The following TPM2 variants were observed in gnomAD, a reference collection of about 807,000 sequenced individuals.
TPM2 encodes tropomyosin beta chain.
In TPM2, 26 loss-of-function variants were observed where a neutral mutation model predicts 41.0. The ratio of observed to expected loss-of-function variants is 0.63; its 90% CI spans 0.46 to 0.88. The LOEUF is 0.88. Ranked by LOEUF, TPM2 falls within the 40% of genes least tolerant of loss-of-function variation. The probability of loss-of-function intolerance (pLI) is 0.00; values close to 1 mark genes in which losing one functional copy is unlikely to be tolerated. For missense variants in TPM2, 187 were observed against 355.2 expected (o/e 0.53, Z 3.81); for synonymous variants, 143 against 139.3 (o/e 1.03, Z -0.19).
downstream of TPM2, chr9:35,682,804 T>G: frequency 1.9e-5 from 26 of 1,356,526 alleles, no homozygotes; most frequent in East Asian, 4.4e-5. Context: ...GCGTGGGCCA[T>G]GGTGTTTTGT....
In TPM2 at chr9:35,684,761, A is replaced by G. The variant is rs1205563530; in HGVS notation, c.610T>C (p.Leu204=). Residue 204 remains leucine (L), a synonymous_variant, in exon 6 of 9, where the codon TTG becomes CTG. Transcript: ENST00000645482. The part of the protein sequence containing the change: ...EEELKIVTNN[L]KSLEAQADKY... ...TCCGCCTGGGCCTCCAGGGATTTCA[A>G]GTTGTTGGTAACAATTTTCAGCTCC... 1.2e-6 allele frequency: 2 copies of G among 1,613,718 alleles called. No individual in the cohort carries two copies. Among genetic ancestry groups the G allele is most frequent in the South Asian group, 2.2e-5 (2 of 91,054 alleles).
At position 35,684,289 on chromosome 9, in the gene TPM2, C is replaced by T. The variant is rs751675623; in HGVS notation, c.729G>A (p.Glu243=). Residue 243 remains glutamate, a synonymous_variant, in exon 8 of 9, where the codon GAG becomes GAA. Coordinates refer to ENST00000645482, the MANE Select transcript of TPM2 (RefSeq NM_003289.4). ...TTTTCTCCAACTTTGCCACAGACCT[C>T]TCGGCAAACTCTGCTCGGGTCTCAG... is the stretch of plus-strand genomic sequence containing the variant. The part of the protein sequence containing the change: ...KEAETRAEFA[E]RSVAKLEKTI... 8 of 1,614,200 alleles carry T rather than the reference C, an allele frequency of 5.0e-6. No homozygotes were observed. The Admixed American group carries it at 5.0e-5, about 10-fold the overall frequency.
Position 35,684,819 on chromosome 9 carries a change from G to T in TPM2, c.564-12C>A. ...GGTCCCCACATTTACTGCAGGGGGT[G>T]TGTGGCGGGGGGGGCAGGGTGTGAG... is the stretch of plus-strand genomic sequence containing the variant. On this transcript the variant is annotated splice_polypyrimidine_tract_variant and intron_variant, in intron 5 of 8. Transcript: ENST00000645482. The T allele has an allele frequency of 6.4e-7, 1 of 1,554,548 alleles. No individual in the cohort carries two copies. Among genetic ancestry groups the T allele is most frequent in the Non-Finnish European group, 8.7e-7 (1 of 1,154,368 alleles).
chr9:35,686,838 CAGT>C (rs1196783936), intron 2 of TPM2, among the ~76,000 whole-genome samples: 1 of 151,988 alleles, frequency 6.6e-6, no homozygotes, highest in Non-Finnish European at 1.5e-5. Context: ...CCTGGGCTTG[CAGT>C]AGGAGGCAAA....
rs376185786 is a variant in TPM2, at chr9:35,685,183, C to A, written c.563+86G>T. On this transcript the variant is annotated intron_variant, in intron 5 of 8. Coordinates refer to ENST00000645482, the MANE Select transcript of TPM2 (RefSeq NM_003289.4). This position sits in a 1 kb window ranked among gnomAD's most constrained non-coding sequence, Gnocchi z 5.0. Reference sequence around the variant, plus strand: ...GGTCAGAGAACAGGGCCTGTCCCTACAGCCCCAAGCCTAGGATGCTACCTT... The same window carrying A: ...GGTCAGAGAACAGGGCCTGTCCCTAAAGCCCCAAGCCTAGGATGCTACCTT... The A allele has an allele frequency of 1.2e-6, 2 of 1,614,050 alleles. No homozygotes were observed. Among genetic ancestry groups the A allele is most frequent in the Non-Finnish European group, 1.7e-6 (2 of 1,180,030 alleles).
At chr9:35,682,667 C>G (rs1330694965), downstream of TPM2, 1 of 1,311,052 alleles carries the variant, frequency 7.6e-7, no homozygotes, top group South Asian at 1.2e-5. Context: ...CCTGGAACCC[C>G]AGCTAAGTGC....
intron 1 of TPM2, 47 bp downstream of exon 1, chr9:35,689,657 T>C: frequency 6.2e-7 from 1 of 1,606,980 alleles, no homozygotes; most frequent in African/African-American, 1.3e-5. Context: ...CGGCCCACCC[T>C]TGCCCTAGGC....
chr9:35,683,036 G>A lies in TPM2; in HGVS notation c.*123C>T. 1 of 1,549,778 alleles carries A rather than the reference G, an allele frequency of 6.5e-7. No individual in the cohort carries two copies. The highest frequency in any genetic ancestry group is 8.7e-7 in the Non-Finnish European group (1 of 1,146,404). On this transcript the variant is annotated 3_prime_UTR_variant, in exon 9 of 9. Coordinates refer to ENST00000645482, the MANE Select transcript of TPM2 (RefSeq NM_003289.4). ...TGGGCATGATGGGGGCTCTCCCTAG[G>A]CTGCTCCCAGCCTGGCTGTGCAATG...
chr9:35,682,003 G>A, downstream of TPM2: 1 of 1,469,478 alleles, frequency 6.8e-7, no homozygotes, highest in Non-Finnish European at 9.5e-7. Flanking sequence ...AAGGATTAAA[G>A]GGCCTTGAGA....
chr9:35,689,899 G>C lies in TPM2; in HGVS notation c.-82C>G, dbSNP rs1481177116. The C allele has an allele frequency of 6.2e-7, 1 of 1,606,652 alleles. No homozygotes were observed. The highest frequency in any genetic ancestry group is 1.3e-5 in the African/African-American group (1 of 74,924). On this transcript the variant is annotated 5_prime_UTR_variant, in exon 1 of 9. Transcript: ENST00000645482. ...GGGTGAGCGGACTGGGTGCACCGGT[G>C]GCAGGCGAGGAGGACGGAGCGGGAC... is the stretch of plus-strand genomic sequence containing the variant.
intron 7 of TPM2, 54 bp downstream of exon 7, chr9:35,684,434 G>A (rs1824753756): frequency 6.2e-7 from 1 of 1,613,066 alleles, no homozygotes; most frequent in Non-Finnish European, 8.5e-7. Flanking sequence ...GGCCGTCTCT[G>A]GCAAGGATTA....
intron 2 of TPM2, among the ~76,000 whole-genome samples, chr9:35,688,272 G>A (rs956349799): frequency 2.0e-5 from 3 of 152,142 alleles, no homozygotes; most frequent in Non-Finnish European, 4.4e-5. Context: ...ATGAGCAGTC[G>A]ACACAAACAG....
chr9:35,683,785 C>CA (rs1271802068), intron 8 of TPM2, among the ~76,000 whole-genome samples: 3 of 152,218 alleles, frequency 2.0e-5, no homozygotes, highest in Non-Finnish European at 2.9e-5. Flanking sequence ...TTAGTGCTGT[C>CA]ATGCAGACCT....
At chr9:35,689,949 C>T, upstream of TPM2, 1 of 1,573,100 alleles carries the variant, frequency 6.4e-7, no homozygotes, top group Non-Finnish European at 8.6e-7. Context: ...CACGCGGGCG[C>T]CTAAAAGGCG....
Position 35,689,885 on chromosome 9 carries a change from C to G in TPM2, c.-68G>C. 1 of 1,609,362 alleles carries G rather than the reference C, an allele frequency of 6.2e-7. No homozygotes were observed. Reference sequence around the variant, plus strand: ...GGACGGACTGGGCTGGGTGAGCGGACTGGGTGCACCGGTGGCAGGCGAGGA... The same window carrying G: ...GGACGGACTGGGCTGGGTGAGCGGAGTGGGTGCACCGGTGGCAGGCGAGGA... On this transcript the variant is annotated 5_prime_UTR_variant, in exon 1 of 9. Transcript: ENST00000645482.
chr9:35,687,559 G>C (rs3793537), intron 2 of TPM2, among the ~76,000 whole-genome samples: 32,228 of 151,902 alleles, frequency 0.21, 4,211 homozygotes, highest in East Asian at 0.32. Flanking sequence ...CATATATAGA[G>C]AGTAGATGGT....
chr9:35,690,041 C>T (rs1355830154), upstream of TPM2: 2 of 1,359,442 alleles, frequency 1.5e-6, no homozygotes, highest in Non-Finnish European at 1.9e-6. Flanking sequence ...ACGGCCCGGC[C>T]GGGGGGTGCG....
chr9:35,688,838 T>C (rs547708466), intron 2 of TPM2, among the ~76,000 whole-genome samples: 104 of 152,318 alleles, frequency 6.8e-4, no homozygotes, highest in Middle Eastern at 3.4e-3. Flanking sequence ...TTGAGGTAGA[T>C]GGTAAATTCT....
upstream of TPM2, chr9:35,689,994 TCCC>T: frequency 6.9e-7 from 1 of 1,459,584 alleles, no homozygotes; most frequent in Non-Finnish European, 9.0e-7. Context: ...ACCAGGACCC[TCCC>T]CCACCTCGGC....
Sources: allele counts gnomAD v4.1 joint callset (sites outside exome capture counted in the v4.1 genomes callset), GRCh38; gene constraint gnomAD v4.1.1; non-coding constraint Gnocchi (gnomAD v3.1); transcripts MANE v1.5; gene names NCBI Gene and HGNC (gene_info 2026-07-23, HGNC 2026-07-21).